The following NAV3 variants were observed in gnomAD, a reference collection of about 807,000 sequenced individuals.
NAV3 encodes neuron navigator 3, also known as pore membrane and/or filament interacting like protein 1.
Under a neutral mutation model 244.7 loss-of-function variants are expected in NAV3, and 87 were observed. The ratio of observed to expected loss-of-function variants is 0.36; its 90% confidence interval spans 0.30 to 0.42. NAV3 has a LOEUF of 0.42. Ranked by LOEUF, NAV3 falls within the 20% of genes least tolerant of loss-of-function variation. NAV3 has a pLI of 1.00. For missense variants in NAV3, 2,663 were observed against 2,893.3 expected, an observed-to-expected ratio of 0.92 and a Z score of 1.83; for synonymous variants, 1,126 against 1,042.2, an observed-to-expected ratio of 1.08 and a Z score of -1.55.
At chr12:77,581,960 T>C (rs1300711357) in intron 2 of NAV3, among the ~76,000 whole-genome samples, 1 of 152,192 alleles carries the variant, frequency 6.6e-6, no homozygotes, top group African/African-American at 2.4e-5. Context: ...CTAGGTAATA[T>C]GTGAATAGCA....
At chr12:77,693,053 C>CA (rs1267258083) in intron 2 of NAV3, among the ~76,000 whole-genome samples, 4 of 151,842 alleles carry the variant, frequency 2.6e-5, no homozygotes, top group Non-Finnish European at 4.4e-5. Context: ...AAAAGCCCTC[C>CA]AAAAAATAGA....
chr12:77,991,272 C>A (rs1871393099), intron 5 of NAV3, among the ~76,000 whole-genome samples: 1 of 152,134 alleles, frequency 6.6e-6, no homozygotes, highest in Non-Finnish European at 1.5e-5. Flanking sequence ...GATCTACCTG[C>A]CTCAGACTCC....
chr12:78,005,875 T>C (rs1306961603), intron 7 of NAV3, among the ~76,000 whole-genome samples: 1 of 152,218 alleles, frequency 6.6e-6, no homozygotes, highest in Admixed American at 6.5e-5. Context: ...TAATTATTCA[T>C]ATTATATTCA....
intron 2 of NAV3, among the ~76,000 whole-genome samples, chr12:77,728,211 C>T (rs1450763547): frequency 6.6e-6 from 1 of 151,918 alleles, no homozygotes; most frequent in Admixed American, 6.6e-5. Flanking sequence ...ACTTCCTTTT[C>T]AGCAATTTGG....
intron 6 of NAV3, among the ~76,000 whole-genome samples, chr12:77,996,573 A>T (rs750658640): frequency 9.9e-5 from 15 of 152,112 alleles, no homozygotes; most frequent in Non-Finnish European, 1.6e-4. Flanking sequence ...TTTTTTCCTG[A>T]TATTCACTCT....
intron 9 of NAV3, among the ~76,000 whole-genome samples, chr12:78,042,939 T>C (rs1396239292): frequency 6.6e-6 from 1 of 152,218 alleles, no homozygotes; most frequent in African/African-American, 2.4e-5. Context: ...TCATAGTTTT[T>C]TTTTTTATTT....
intron 18 of NAV3, among the ~76,000 whole-genome samples, chr12:78,133,345 G>A (rs1320319880): frequency 6.6e-6 from 1 of 151,662 alleles, no homozygotes; most frequent in Non-Finnish European, 1.5e-5. Flanking sequence ...GCAAGAAAAT[G>A]AGTACTCTTA....
chr12:77,809,966 T>G (rs1377153307), intron 2 of NAV3, among the ~76,000 whole-genome samples: 1 of 152,208 alleles, frequency 6.6e-6, no homozygotes, highest in Non-Finnish European at 1.5e-5. Context: ...ATATTTTTAT[T>G]GGTTTGTCAC....
chr12:78,049,336 G>T (rs753441372), intron 9 of NAV3, among the ~76,000 whole-genome samples: 3 of 152,168 alleles, frequency 2.0e-5, no homozygotes, highest in Non-Finnish European at 4.4e-5. Context: ...GCCCTTGGTG[G>T]TGTGGACACC....
At chr12:78,181,159 A>C in intron 30 of NAV3, 114 bp downstream of exon 30, 3 of 914,196 alleles carry the variant, frequency 3.3e-6, no homozygotes, top group Non-Finnish European at 4.9e-6. Flanking sequence ...TCTAATTCTC[A>C]GAAATAGTCC....
In NAV3 at chr12:78,190,036, A is replaced by G. The variant is rs749471740; in HGVS notation, c.6108A>G (p.Lys2036=). 1.2e-6 allele frequency: 2 copies of G among 1,613,162 alleles called. No homozygotes were observed. The highest frequency in any genetic ancestry group is 3.3e-5 in the Admixed American group (2 of 59,918). The change falls in exon 34 of 40, where the codon AAA becomes AAG. Residue 2036 remains lysine (K), a synonymous_variant. Coordinates refer to ENST00000397909, the MANE Select transcript of NAV3 (RefSeq NM_001024383.2). ...TTGTTTTTGATACGCTGATTCCTAAACCAATTACCCAAAGGTACTTTAACT... is the reference window on the plus strand; with the variant it reads ...TTGTTTTTGATACGCTGATTCCTAAGCCAATTACCCAAAGGTACTTTAACT... ...DSFVFDTLIP[K]PITQRYFNLL...
chr12:77,808,685 TAGCAGAGCTCC>T (rs768234218), intron 2 of NAV3, among the ~76,000 whole-genome samples: 11 of 152,192 alleles, frequency 7.2e-5, no homozygotes, highest in Non-Finnish European at 1.5e-5. Context: ...GTGTATTCCT[TAGCAGAGCTCC>T]AGCACTCTGC....
intron 2 of NAV3, among the ~76,000 whole-genome samples, chr12:77,662,652 A>G (rs1873519227): frequency 6.6e-6 from 1 of 152,070 alleles, no homozygotes; most frequent in Non-Finnish European, 1.5e-5. Flanking sequence ...TGCTTTTCCT[A>G]ACTATGATTA....
At chr12:77,602,035 G>A (rs529141709) in intron 2 of NAV3, among the ~76,000 whole-genome samples, 1 of 152,116 alleles carries the variant, frequency 6.6e-6, no homozygotes, top group South Asian at 2.1e-4. Flanking sequence ...TTATTTCTCT[G>A]TCAGCCAAAC....
intron 9 of NAV3, among the ~76,000 whole-genome samples, chr12:78,024,520 C>G (rs574381794): frequency 6.6e-6 from 1 of 152,096 alleles, no homozygotes; most frequent in African/African-American, 2.4e-5. Flanking sequence ...GTTCATGAAC[C>G]ACTGTCATCA....
rs571138411 is a variant in NAV3, at chr12:78,112,140, A to G, written c.2637-4632A>G. Among the ~76,000 whole-genome samples, 22 of 152,354 alleles carry G rather than the reference A, an allele frequency of 1.4e-4. No homozygotes were observed. In the East Asian group the frequency reaches 4.1e-3, roughly 28 times the overall value. ...CCTCTGACACTTGAAACTTGAGGCC[A>G]GATATCTGCCCATGCTGATAGAAAA... is the stretch of plus-strand genomic sequence containing the variant. On this transcript the variant is annotated intron_variant, in intron 12 of 39. Coordinates refer to ENST00000397909, the MANE Select transcript of NAV3 (RefSeq NM_001024383.2).
At chr12:77,655,859 G>A (rs186477361) in intron 2 of NAV3, among the ~76,000 whole-genome samples, 1 of 151,146 alleles carries the variant, frequency 6.6e-6, no homozygotes. Context: ...GCCAAACTAA[G>A]CTTCATAAGT....
At chr12:78,203,122 C>G (rs1959906490) in intron 38 of NAV3, among the ~76,000 whole-genome samples, 1 of 152,024 alleles carries the variant, frequency 6.6e-6, no homozygotes, top group African/African-American at 2.4e-5. Flanking sequence ...AACTAGTCAG[C>G]TATCAATTCA....
rs554537539 is a variant in NAV3 at position 77,914,832 on chromosome 12, T to C, written c.244-25487T>C. Among the ~76,000 whole-genome samples the C allele has an allele frequency of 7.0e-4, 58 of 83,330 alleles. No homozygotes were observed. The East Asian group carries it at 0.02, about 29-fold the overall frequency. 54.7% of individuals were successfully genotyped at this position (83,330 alleles called of 152,430 possible). On this transcript the variant is annotated intron_variant, in intron 1 of 39. Coordinates refer to ENST00000397909, the MANE Select transcript of NAV3 (RefSeq NM_001024383.2). ...ACCAGGTTAAGAAATGCAGAGATTC[T>C]TTGTCTTTTTTTTTTTTTTAATTAT... is the stretch of plus-strand genomic sequence containing the variant.
Sources: gnomAD v4.1 joint callset for allele counts (sites outside exome capture counted in the v4.1 genomes callset) on GRCh38, gnomAD v4.1.1 for gene constraint, MANE v1.5 for transcripts, NCBI Gene and HGNC (gene_info 2026-07-23, HGNC 2026-07-21) for gene names.